The following ERI3 variants were observed in gnomAD, a reference collection of about 807,000 sequenced individuals.
The protein encoded by ERI3 is ERI1 exoribonuclease family member 3.
In ERI3, 18 loss-of-function variants were observed where a neutral mutation model predicts 44.4. The ratio of observed to expected loss-of-function variants is 0.41; its 90% CI spans 0.28 to 0.60. ERI3 has a LOEUF of 0.60. Among genes scored for constraint, ERI3 ranks in the 20% least tolerant of loss-of-function variants. The pLI is 0.36. For missense variants in ERI3, 294 were observed against 435.5 expected (o/e 0.68, Z 2.89); for synonymous variants, 183 against 164.8 (o/e 1.11, Z -0.84).
rs941658403 is a variant in ERI3 at position 44,353,041 on chromosome 1, T to C, written c.136-116A>G. On this transcript the variant is annotated intron_variant, in intron 1 of 8. Transcript: ENST00000372257. The stretch of plus-strand genomic sequence containing the variant: ...CAAACTTCGGGATAACTGCTATCTA[T>C]GTGCAAAGACAGTGCCCCCACAGAG... 1.2e-5 allele frequency: 18 copies of C among 1,553,850 alleles called. No homozygotes were observed. In the African/African-American group the frequency reaches 1.5e-4, roughly 13 times the overall value.
intron 3 of ERI3, among the ~76,000 whole-genome samples, chr1:44,321,418 A>G (rs1369514465): frequency 6.6e-6 from 1 of 152,160 alleles, no homozygotes; most frequent in Non-Finnish European, 1.5e-5. Context: ...CTCTCCTTCC[A>G]AGGTGAAGAG....
At chr1:44,229,136 C>T (rs553044756) in intron 8 of ERI3, among the ~76,000 whole-genome samples, 5 of 152,230 alleles carry the variant, frequency 3.3e-5, no homozygotes, top group South Asian at 2.1e-4. Flanking sequence ...AATTGTGCTG[C>T]GAGCCAAAGA....
intron 8 of ERI3, among the ~76,000 whole-genome samples, chr1:44,224,437 A>G (rs1026337811): frequency 6.6e-6 from 1 of 152,240 alleles, no homozygotes; most frequent in Non-Finnish European, 1.5e-5. Flanking sequence ...TTGGAGCCAG[A>G]AAGACATGTT....
intron 7 of ERI3, among the ~76,000 whole-genome samples, chr1:44,280,188 T>A (rs902187898): frequency 7.2e-5 from 11 of 152,400 alleles, no homozygotes; most frequent in Non-Finnish European, 1.6e-4. Context: ...GTGGTATTTA[T>A]GTATTTCTTA....
Position 44,241,852 on chromosome 1 carries a change from AGGAGAACCTTCT to A in ERI3, c.931+6075_931+6086del. The A allele has an allele frequency of 8.6e-5, 44 of 514,086 alleles. No individual in the cohort carries two copies. Among genetic ancestry groups the A allele is most frequent in the South Asian group, 1.7e-4 (2 of 11,852 alleles). 31.8% of individuals were successfully genotyped at this position (514,086 alleles called of 1,614,324 possible). ...CATACATACATACATACATACATAC[AGGAGAACCTTCT>A]TCCATCCATCTGTCCATCAACTCAC... On this transcript the variant is annotated intron_variant, in intron 8 of 8. Transcript: ENST00000372257. The surrounding 1 kb of genome is among the most constrained non-coding windows in gnomAD (Gnocchi z 5.6).
intron 2 of ERI3, among the ~76,000 whole-genome samples, chr1:44,344,394 T>C (rs568711648): frequency 5.1e-4 from 77 of 152,300 alleles, no homozygotes; most frequent in South Asian, 1.2e-3. Flanking sequence ...GTAGGCTGCA[T>C]GTTCTCTCTG....
chr1:44,354,523 A>G (rs1371593152), intron 1 of ERI3: 16 of 985,174 alleles, frequency 1.6e-5, no homozygotes, highest in Non-Finnish European at 1.8e-5. Context: ...TTCCACCATC[A>G]CTACTACCAC....
chr1:44,335,632 G>A (rs1486666099), intron 3 of ERI3, among the ~76,000 whole-genome samples: 1 of 152,030 alleles, frequency 6.6e-6, no homozygotes, highest in Non-Finnish European at 1.5e-5. Context: ...GGTGGCGCAT[G>A]CCTGTAATCC....
rs1644700655 is a variant in ERI3, at chr1:44,252,440, C to T, written c.832-4402G>A. ...CCGCATAGCCCTGCTGTAGGTGCGG[C>T]GGGTGGCCCCCTGTGTAACAGGGAG... is the stretch of plus-strand genomic sequence containing the variant. On this transcript the variant is annotated intron_variant, in intron 7 of 8. Transcript: ENST00000372257. This position sits in a 1 kb window ranked among gnomAD's most constrained non-coding sequence, Gnocchi z 4.7. Among the ~76,000 whole-genome samples the T allele has an allele frequency of 6.6e-6, 1 of 152,202 alleles. No homozygotes were observed.
In ERI3 at chr1:44,235,093, GCAC is replaced by G. The variant is rs1644273941; in HGVS notation, c.931+12843_931+12845del. Among the ~76,000 whole-genome samples the G allele has an allele frequency of 6.6e-6, 1 of 152,156 alleles. No individual in the cohort carries two copies. The highest frequency in any genetic ancestry group is 1.5e-5 in the Non-Finnish European group (1 of 68,038). On this transcript the variant is annotated intron_variant, in intron 8 of 8. Transcript: ENST00000372257. This position sits in a 1 kb window ranked among gnomAD's most constrained non-coding sequence, Gnocchi z 4.6. ...TCAAAAATTAAAACCACCACCACCA[GCAC>G]CACTTCCAGTGGCTCCTCACTGCTC...
chr1:44,244,734 C>T (rs1315920639), intron 8 of ERI3, among the ~76,000 whole-genome samples: 1 of 152,076 alleles, frequency 6.6e-6, no homozygotes. Context: ...TGTAACTCCC[C>T]TGCCCAAAAC....
intron 3 of ERI3, among the ~76,000 whole-genome samples, chr1:44,330,377 A>T (rs1646404135): frequency 6.6e-6 from 1 of 152,192 alleles, no homozygotes; most frequent in Non-Finnish European, 1.5e-5. Context: ...TTTGCCACCC[A>T]CAGGCCTTCC....
chr1:44,354,513 T>G, intron 1 of ERI3: 1 of 985,426 alleles, frequency 1.0e-6, no homozygotes. Context: ...TATTCACTCC[T>G]TCCACCATCA....
In ERI3 at chr1:44,257,421, A is replaced by G. The variant is rs1644804154; in HGVS notation, c.832-9383T>C. Among the ~76,000 whole-genome samples, 2 of 151,478 alleles carry G rather than the reference A, an allele frequency of 1.3e-5. 1 individual carries two copies. The highest frequency in any genetic ancestry group is 4.2e-4 in the South Asian group (2 of 4,786). ...AAGCCCCACTCCCAGTGCCTCAGTC[A>G]TGGGCAGAGCTTTCCACATCCAGGG... On this transcript the variant is annotated intron_variant, in intron 7 of 8. Transcript: ENST00000372257.
Position 44,252,084 on chromosome 1 carries a change from AC to A in ERI3, c.832-4047del, listed in dbSNP as rs1214972724. On this transcript the variant is annotated intron_variant, in intron 7 of 8. Coordinates refer to ENST00000372257, the MANE Select transcript of ERI3 (RefSeq NM_024066.3). The surrounding 1 kb of genome is among the most constrained non-coding windows in gnomAD (Gnocchi z 4.7). The stretch of plus-strand genomic sequence containing the variant: ...ACCTGCCCAGCTATGCACAGTCAGC[AC>A]CTAGCCCCTGGGGTTCCCAGACAGA... Among the ~76,000 whole-genome samples, 1 of 152,192 alleles carries A rather than the reference AC, an allele frequency of 6.6e-6. No homozygotes were observed. The highest frequency in any genetic ancestry group is 6.5e-5 in the Admixed American group (1 of 15,288).
chr1:44,254,537 G>A (rs911988517), intron 7 of ERI3, among the ~76,000 whole-genome samples: 3 of 151,948 alleles, frequency 2.0e-5, no homozygotes, highest in African/African-American at 7.3e-5. Context: ...CACCTTTTCT[G>A]GAAAACCCCA....
intron 6 of ERI3, among the ~76,000 whole-genome samples, chr1:44,290,670 G>A (rs1572199660): frequency 6.6e-6 from 1 of 152,294 alleles, no homozygotes. Context: ...TGGGGACACA[G>A]CTCTTTGTCT....
intron 6 of ERI3, among the ~76,000 whole-genome samples, chr1:44,306,818 G>A (rs1234110300): frequency 6.6e-6 from 1 of 152,224 alleles, no homozygotes; most frequent in Non-Finnish European, 1.5e-5. Flanking sequence ...TGGACCTCTG[G>A]ACTGGGCCAA....
intron 6 of ERI3, among the ~76,000 whole-genome samples, chr1:44,298,778 C>T (rs141564757): frequency 1.4e-3 from 217 of 152,178 alleles, no homozygotes; most frequent in African/African-American, 4.8e-3. Context: ...ACTAGCTGGG[C>T]GCAGTGGCAT....
Sources: gnomAD v4.1 joint callset for allele counts (sites outside exome capture counted in the v4.1 genomes callset) on GRCh38, gnomAD v4.1.1 for gene constraint, Gnocchi (gnomAD v3.1) non-coding constraint, MANE v1.5 for transcripts, NCBI Gene and HGNC (gene_info 2026-07-23, HGNC 2026-07-21) for gene names.